The following ROBO2 variants were observed in gnomAD, a reference collection of about 807,000 sequenced individuals.
ROBO2 encodes the protein roundabout homolog 2.
Under a neutral mutation model 160.8 loss-of-function variants are expected in ROBO2, and 53 were observed. The observed-to-expected ratio is 0.33, with a 90% CI of 0.26 to 0.41. The LOEUF is 0.41. Among genes scored for constraint, ROBO2 ranks in the 10% least tolerant of loss-of-function variants. The pLI is 1.00. For missense variants in ROBO2, 1,577 were observed against 1,722.4 expected, an observed-to-expected ratio of 0.92 and a Z score of 1.49; for synonymous variants, 664 against 611.7, an observed-to-expected ratio of 1.09 and a Z score of -1.26.
intron 2 of ROBO2, among the ~76,000 whole-genome samples, chr3:76,031,792 G>A (rs1393518085): frequency 1.3e-5 from 2 of 151,834 alleles, no homozygotes; most frequent in Non-Finnish European, 2.9e-5. Context: ...TTTTTGCATC[G>A]ATGTTCATCA....
intron 2 of ROBO2, among the ~76,000 whole-genome samples, chr3:76,862,934 A>G (rs182755519): frequency 1.6e-3 from 251 of 152,190 alleles, no homozygotes; most frequent in African/African-American, 5.9e-3. Flanking sequence ...GATTTAATGT[A>G]TCACCATCCC....
intron 2 of ROBO2, among the ~76,000 whole-genome samples, chr3:77,126,572 T>C (rs2075329447): frequency 1.3e-5 from 2 of 152,056 alleles, no homozygotes. Flanking sequence ...TCATGATAAA[T>C]TATTCCACAG....
At chr3:77,375,908 A>G (rs56112272) in intron 2 of ROBO2, among the ~76,000 whole-genome samples, 39,874 of 151,988 alleles carry the variant, frequency 0.26, 6,651 homozygotes, top group Non-Finnish European at 0.37. Flanking sequence ...TGATTTCAGT[A>G]CTGCATTTTA....
intron 11 of ROBO2, among the ~76,000 whole-genome samples, chr3:77,563,586 T>C (rs2093397009): frequency 6.6e-6 from 1 of 152,116 alleles, no homozygotes; most frequent in African/African-American, 2.4e-5. Context: ...TTAGCTCCAT[T>C]CTTTACCCAG....
At chr3:75,909,056 T>C (rs1328500116) in intron 1 of ROBO2, among the ~76,000 whole-genome samples, 2 of 152,206 alleles carry the variant, frequency 1.3e-5, no homozygotes, top group South Asian at 2.1e-4. Flanking sequence ...GTGGGACTTA[T>C]GAGAAAAGGA....
At chr3:76,545,617 C>T (rs576715577) in intron 2 of ROBO2, among the ~76,000 whole-genome samples, 43 of 151,920 alleles carry the variant, frequency 2.8e-4, no homozygotes, top group African/African-American at 9.9e-4. Flanking sequence ...CTTTGACTCT[C>T]GTGAAATATG....
chr3:77,141,292 C>A (rs558793433), intron 2 of ROBO2, among the ~76,000 whole-genome samples: 1 of 151,834 alleles, frequency 6.6e-6, no homozygotes, highest in African/African-American at 2.4e-5. Context: ...AGCCCCCCCC[C>A]CTTGTAATAG....
chr3:76,059,001 A>G (rs1293064835), intron 2 of ROBO2, among the ~76,000 whole-genome samples: 4 of 150,988 alleles, frequency 2.6e-5, no homozygotes, highest in Non-Finnish European at 5.9e-5. Context: ...ATGGCTGCAT[A>G]GTATTCCATG....
At chr3:77,119,020 G>C (rs1484823974) in intron 2 of ROBO2, among the ~76,000 whole-genome samples, 1 of 152,080 alleles carries the variant, frequency 6.6e-6, no homozygotes, top group East Asian at 1.9e-4. Context: ...TCATGGGTGA[G>C]GGTTCCTGTG....
At chr3:77,135,008 A>G (rs1332274468) in intron 2 of ROBO2, among the ~76,000 whole-genome samples, 1 of 152,132 alleles carries the variant, frequency 6.6e-6, no homozygotes, top group African/African-American at 2.4e-5. Context: ...AACGAGCTAG[A>G]GAGATGACGC....
intron 19 of ROBO2, among the ~76,000 whole-genome samples, chr3:77,597,547 T>C (rs1204242408): frequency 6.6e-6 from 1 of 152,140 alleles, no homozygotes; most frequent in Non-Finnish European, 1.5e-5. Flanking sequence ...GGCAGGTTCA[T>C]GTGAGTTTTC....
chr3:76,568,839 TGCAGACCCATA>T lies in ROBO2; in HGVS notation c.110-529171_110-529161del, dbSNP rs201091509. ...ATAGATTTTACTGTATTTTACAATATGCAGACCCATAGCATTCTATGTTCTACTAAATGATG... is the reference window on the plus strand; with the variant it reads ...ATAGATTTTACTGTATTTTACAATATGCATTCTATGTTCTACTAAATGATG... On this transcript the variant is annotated intron_variant, in intron 2 of 26. Transcript: ENST00000487694. Among the ~76,000 whole-genome samples, 547 of 152,344 alleles carry T rather than the reference TGCAGACCCATA, an allele frequency of 3.6e-3. 5 individuals carry two copies. The highest frequency in any genetic ancestry group is 0.013 in the African/African-American group (534 of 41,580).
chr3:76,981,614 C>T (rs2060102207), intron 2 of ROBO2, among the ~76,000 whole-genome samples: 1 of 152,018 alleles, frequency 6.6e-6, no homozygotes, highest in Non-Finnish European at 1.5e-5. Flanking sequence ...TATTTTTACT[C>T]TCTTCACAAT....
chr3:76,740,087 A>G (rs997169227), intron 2 of ROBO2, among the ~76,000 whole-genome samples: 2 of 152,224 alleles, frequency 1.3e-5, no homozygotes, highest in South Asian at 4.1e-4. Flanking sequence ...TTTAAGGAAC[A>G]ACTTTATCGT....
At chr3:76,079,123 A>G (rs998294188) in intron 2 of ROBO2, among the ~76,000 whole-genome samples, 1 of 152,224 alleles carries the variant, frequency 6.6e-6, no homozygotes, top group African/African-American at 2.4e-5. Context: ...ATATAGGAAA[A>G]CAATGGTTAT....
At chr3:76,976,458 G>A (rs1034186675) in intron 2 of ROBO2, among the ~76,000 whole-genome samples, 10 of 152,104 alleles carry the variant, frequency 6.6e-5, no homozygotes, top group African/African-American at 2.4e-4. Context: ...GAATGGCACC[G>A]CAATGACCAG....
At chr3:77,315,644 A>G (rs1424914841) in intron 2 of ROBO2, among the ~76,000 whole-genome samples, 1 of 152,228 alleles carries the variant, frequency 6.6e-6, no homozygotes, top group African/African-American at 2.4e-5. Flanking sequence ...GCTGTATACA[A>G]ATTATAAATA....
At chr3:76,788,568 G>C (rs1488407167) in intron 2 of ROBO2, among the ~76,000 whole-genome samples, 2 of 151,458 alleles carry the variant, frequency 1.3e-5, no homozygotes, top group South Asian at 2.1e-4. Context: ...GGACTTTTAT[G>C]ATAAGAAATT....
Position 76,002,963 on chromosome 3 carries a change from A to G in ROBO2, c.109+65361A>G, listed in dbSNP as rs536589794. Reference sequence around the variant, plus strand: ...AAACTACTACAGATACAAATCATAAACAGAAACAAGAGCCAGGAGAAACCA... The same window carrying G: ...AAACTACTACAGATACAAATCATAAGCAGAAACAAGAGCCAGGAGAAACCA... On this transcript the variant is annotated intron_variant, in intron 2 of 26. Coordinates refer to the ROBO2 transcript ENST00000487694. Among the ~76,000 whole-genome samples, 5 of 152,268 alleles carry G rather than the reference A, an allele frequency of 3.3e-5. No homozygotes were observed. In the East Asian group the frequency reaches 9.7e-4, roughly 29 times the overall value.
Sources: allele counts gnomAD v4.1 joint callset (sites outside exome capture counted in the v4.1 genomes callset), GRCh38; gene constraint gnomAD v4.1.1; transcripts MANE v1.5; gene names NCBI Gene and HGNC (gene_info 2026-07-23, HGNC 2026-07-21).